Variants in MVB12B observed in about 807,000 individuals in gnomAD.
MVB12B encodes the protein ESCRT-I complex subunit MVB12B.
In MVB12B, 16 loss-of-function variants were observed where a neutral mutation model predicts 41.6. The observed-to-expected ratio is 0.38, with a 90% CI of 0.26 to 0.58. The LOEUF is 0.58. Among genes scored for constraint, MVB12B ranks in the 20% least tolerant of loss-of-function variants. MVB12B has a pLI of 0.62. For synonymous variants in MVB12B, 133 were observed against 139.7 expected, an observed-to-expected ratio of 0.95 and a Z score of 0.34; for missense variants, 274 against 380.2, an observed-to-expected ratio of 0.72 and a Z score of 2.32.
intron 2 of MVB12B, among the ~76,000 whole-genome samples, chr9:126,355,086 A>G (rs1388500507): frequency 2.0e-5 from 3 of 152,190 alleles, no homozygotes; most frequent in Non-Finnish European, 4.4e-5. Context: ...AGGTCTTTGC[A>G]TATGCACAGA....
At chr9:126,329,101 G>A (rs1021750461) in intron 1 of MVB12B, among the ~76,000 whole-genome samples, 3 of 152,028 alleles carry the variant, frequency 2.0e-5, no homozygotes, top group Non-Finnish European at 4.4e-5. Flanking sequence ...AGTCTTCAAC[G>A]GGACAACCAG....
Position 126,381,089 on chromosome 9 carries a change from A to G in MVB12B, c.230A>G (p.Asp77Gly). The G allele has an allele frequency of 1.2e-6, 2 of 1,614,136 alleles. No homozygotes were observed. The highest frequency in any genetic ancestry group is 2.2e-5 in the South Asian group (2 of 91,082). The part of the protein sequence containing the change: ...DVVAQTADGV[D>G]ADLWKDGLFK... Reference sequence around the variant, plus strand: ...GTTGCACAGACAGCAGATGGTGTGGATGCTGACCTCTGGAAAGACGGCTTA... The same window carrying G: ...GTTGCACAGACAGCAGATGGTGTGGGTGCTGACCTCTGGAAAGACGGCTTA... Residue 77 changes from aspartate to glycine, a missense_variant, in exon 3 of 10, where the codon GAT becomes GGT. Physicochemically the swap from Asp to Gly is moderately conservative, Grantham distance 94. Coordinates refer to ENST00000361171, the MANE Select transcript of MVB12B (RefSeq NM_033446.3).
At position 126,389,049 on chromosome 9, in the gene MVB12B, C is replaced by G. The variant is rs1247218611; in HGVS notation, c.409+2391C>G. On this transcript the variant is annotated intron_variant, in intron 4 of 9. Transcript: ENST00000361171. The surrounding 1 kb of genome is among the most constrained non-coding windows in gnomAD (Gnocchi z 4.4). ...CCAGTTCACTGAGGCTCTGTCCTGT[C>G]TGGGCTTGGGGCCCAGCTGCTGTGG... Among the ~76,000 whole-genome samples the G allele has an allele frequency of 6.6e-6, 1 of 152,224 alleles. No homozygotes were observed. Among genetic ancestry groups the G allele is most frequent in the African/African-American group, 2.4e-5 (1 of 41,462 alleles).
In MVB12B at chr9:126,478,867, GA is replaced by G. The variant is rs1833470049; in HGVS notation, c.758-2499del. Among the ~76,000 whole-genome samples the G allele has an allele frequency of 1.3e-5, 2 of 152,198 alleles. No individual in the cohort carries two copies. The highest frequency in any genetic ancestry group is 1.3e-4 in the Admixed American group (2 of 15,288). Reference sequence around the variant, plus strand: ...CTAGACATACAGTGACATGTAGATAGAAACAACTGTCACCAGTGAGAGGCAG... The same window carrying G: ...CTAGACATACAGTGACATGTAGATAGAACAACTGTCACCAGTGAGAGGCAG... On this transcript the variant is annotated intron_variant, in intron 7 of 9. Transcript: ENST00000361171. This position sits in a 1 kb window ranked among gnomAD's most constrained non-coding sequence, Gnocchi z 4.2.
intron 2 of MVB12B, among the ~76,000 whole-genome samples, chr9:126,348,530 G>A (rs755275971): frequency 5.3e-5 from 8 of 152,166 alleles, no homozygotes; most frequent in Non-Finnish European, 1.2e-4. Flanking sequence ...TGAATTTTTC[G>A]TTTTGACCCA....
At chr9:126,377,711 A>G (rs1245769444) in intron 2 of MVB12B, among the ~76,000 whole-genome samples, 1 of 152,060 alleles carries the variant, frequency 6.6e-6, no homozygotes, top group African/African-American at 2.4e-5. Flanking sequence ...CTTATAGTCC[A>G]GGGTGGGATA....
chr9:126,494,077 T>G (rs959672960), intron 9 of MVB12B, among the ~76,000 whole-genome samples: 1 of 152,236 alleles, frequency 6.6e-6, no homozygotes, highest in African/African-American at 2.4e-5. Context: ...GCGTTTTGAC[T>G]TGCTATTTAT....
chr9:126,330,729 G>T (rs1285434190), intron 1 of MVB12B, among the ~76,000 whole-genome samples: 2 of 152,128 alleles, frequency 1.3e-5, no homozygotes, highest in African/African-American at 4.8e-5. Flanking sequence ...TTGCAAAACC[G>T]AAACGCTGTG....
chr9:126,495,569 G>C (rs1833812458), intron 9 of MVB12B, among the ~76,000 whole-genome samples: 1 of 152,186 alleles, frequency 6.6e-6, no homozygotes, highest in Admixed American at 6.5e-5. Context: ...CACAGTCACT[G>C]TGGTGAGATG....
At chr9:126,455,170 ATTTTATT>A (rs1416829470) in intron 7 of MVB12B, among the ~76,000 whole-genome samples, 5 of 150,964 alleles carry the variant, frequency 3.3e-5, no homozygotes, top group Non-Finnish European at 5.9e-5. Flanking sequence ...ATTTTATTTT[ATTTTATT>A]TTTTATTTTA....
chr9:126,458,226 C>G (rs933179851), intron 7 of MVB12B, among the ~76,000 whole-genome samples: 1 of 152,188 alleles, frequency 6.6e-6, no homozygotes, highest in African/African-American at 2.4e-5. Context: ...ACTGAGCAAG[C>G]GGGTAAACGT....
intron 7 of MVB12B, among the ~76,000 whole-genome samples, chr9:126,438,888 T>C (rs972934705): frequency 1.3e-5 from 2 of 152,066 alleles, no homozygotes; most frequent in East Asian, 1.9e-4. Flanking sequence ...TTGGGACTTA[T>C]CTTTCTATTT....
intron 6 of MVB12B, among the ~76,000 whole-genome samples, chr9:126,410,130 G>A (rs1269524055): frequency 2.1e-5 from 3 of 144,606 alleles, no homozygotes; most frequent in Non-Finnish European, 4.5e-5. Context: ...CCAATGCACA[G>A]TGATTTGGTT....
chr9:126,344,613 G>T (rs1188452021), intron 2 of MVB12B, among the ~76,000 whole-genome samples: 1 of 152,204 alleles, frequency 6.6e-6, no homozygotes, highest in Non-Finnish European at 1.5e-5. Context: ...CCTGTGTAGG[G>T]GTTGGACACC....
At chr9:126,396,956 GC>G in intron 6 of MVB12B, 1 of 985,574 alleles carries the variant, frequency 1.0e-6, no homozygotes, top group Non-Finnish European at 1.2e-6. Flanking sequence ...TGTCAGCTCC[GC>G]CCTGGAGGGC....
At chr9:126,350,747 A>C (rs1303912349) in intron 2 of MVB12B, among the ~76,000 whole-genome samples, 1 of 152,104 alleles carries the variant, frequency 6.6e-6, no homozygotes, top group African/African-American at 2.4e-5. Context: ...TAAAGGCCCC[A>C]CCTCTCAATA....
intron 2 of MVB12B, among the ~76,000 whole-genome samples, chr9:126,370,445 C>T (rs895773980): frequency 6.6e-6 from 1 of 150,528 alleles, no homozygotes; most frequent in Admixed American, 6.6e-5. Context: ...TGCAGTGGCG[C>T]CATCTCAGCT....
intron 6 of MVB12B, among the ~76,000 whole-genome samples, chr9:126,410,461 T>G (rs1831611663): frequency 6.6e-6 from 1 of 152,198 alleles, no homozygotes; most frequent in African/African-American, 2.4e-5. Flanking sequence ...CCCCCACATA[T>G]AGGGTACTAC....
chr9:126,389,566 C>A lies in MVB12B; in HGVS notation c.410-2500C>A, dbSNP rs1027275191. Among the ~76,000 whole-genome samples the A allele has an allele frequency of 2.0e-5, 3 of 152,156 alleles. No homozygotes were observed. Among genetic ancestry groups the A allele is most frequent in the African/African-American group, 7.2e-5 (3 of 41,420 alleles). ...TAATCAGTGGCTCCATCTCTTAACC[C>A]CGAGTTTGCTGCAGACGGAAGAATG... is the stretch of plus-strand genomic sequence containing the variant. On this transcript the variant is annotated intron_variant, in intron 4 of 9. Coordinates refer to ENST00000361171, the MANE Select transcript of MVB12B (RefSeq NM_033446.3). This position sits in a 1 kb window ranked among gnomAD's most constrained non-coding sequence, Gnocchi z 4.4.
Sources: gnomAD v4.1 joint callset for allele counts (sites outside exome capture counted in the v4.1 genomes callset) on GRCh38, gnomAD v4.1.1 for gene constraint, Gnocchi (gnomAD v3.1) non-coding constraint, MANE v1.5 for transcripts, NCBI Gene and HGNC (gene_info 2026-07-23, HGNC 2026-07-21) for gene names.